Variants in TOP2A observed in about 807,000 individuals in gnomAD.
TOP2A encodes the protein DNA topoisomerase II alpha.
Under a neutral mutation model 187.2 loss-of-function variants are expected in TOP2A, and 68 were observed. That is an observed-to-expected ratio of 0.36 (90% CI 0.30 to 0.44). The LOEUF (loss-of-function observed/expected upper bound fraction) is 0.44. TOP2A is among the 20% of genes least tolerant of loss of function. TOP2A has a pLI of 1.00. For synonymous variants in TOP2A, 542 were observed against 593.2 expected (o/e 0.91, Z 1.25); for missense variants, 1,196 against 1,808.7 (o/e 0.66, Z 6.14).
At chr17:40,409,433 A>T in intron 10 of TOP2A, 1 of 443,278 alleles carries the variant, frequency 2.3e-6, no homozygotes, top group South Asian at 1.6e-5. Flanking sequence ...AAATTGAGAC[A>T]CTTGTCCTCA....
intron 19 of TOP2A, 72 bp from the exon 20 acceptor site, chr17:40,403,126 T>C (rs2035201694): frequency 6.5e-6 from 9 of 1,375,828 alleles, no homozygotes; most frequent in South Asian, 1.4e-5. Context: ...AACCTCACTA[T>C]AATCCTGTAA....
At chr17:40,406,301 T>C (rs1259428996) in intron 16 of TOP2A, 83 bp downstream of exon 16, 4 of 940,392 alleles carry the variant, frequency 4.3e-6, no homozygotes, top group Non-Finnish European at 6.3e-6. Flanking sequence ...ATACGGAGTC[T>C]TATACAAAAA....
At chr17:40,408,918 G>A (rs1444633093) in intron 10 of TOP2A, 1 of 511,454 alleles carries the variant, frequency 2.0e-6, no homozygotes, top group Non-Finnish European at 3.8e-6. Context: ...AATTAGACCA[G>A]GCACGGTGGC....
chr17:40,393,416 G>T (rs926474890), intron 29 of TOP2A, among the ~76,000 whole-genome samples: 2 of 152,020 alleles, frequency 1.3e-5, no homozygotes, highest in Admixed American at 1.3e-4. Context: ...AGTGCCTATA[G>T]TCCCAGCTAC....
chr17:40,407,178 C>T (rs573800506), intron 13 of TOP2A, among the ~76,000 whole-genome samples: 4 of 152,302 alleles, frequency 2.6e-5, no homozygotes, highest in Non-Finnish European at 4.4e-5. Flanking sequence ...GCAGGAGAAT[C>T]GCTTGAACCC....
intron 1 of TOP2A, chr17:40,417,467 C>A: frequency 8.7e-7 from 1 of 1,151,988 alleles, no homozygotes; most frequent in Non-Finnish European, 1.2e-6. Context: ...CATCTGTACG[C>A]GCGACTCAAT....
chr17:40,407,023 G>A, intron 13 of TOP2A, 81 bp from the exon 14 acceptor site: 1 of 1,152,226 alleles, frequency 8.7e-7, no homozygotes, highest in Non-Finnish European at 1.3e-6. Context: ...CAGAACTTTG[G>A]GAGGCCGAGG....
Position 40,404,362 on chromosome 17 carries a change from C to G in TOP2A, c.2161+15G>C. Reference sequence around the variant, plus strand: ...CCATCTTACAATGAAAACAGACTAACAAATTGGAACTCACCATCCACCATA... The same window carrying G: ...CCATCTTACAATGAAAACAGACTAAGAAATTGGAACTCACCATCCACCATA... On this transcript the variant is annotated intron_variant, in intron 18 of 34. Transcript: ENST00000423485. 1 of 1,604,046 alleles carries G rather than the reference C, an allele frequency of 6.2e-7. No homozygotes were observed. Among genetic ancestry groups the G allele is most frequent in the East Asian group, 2.2e-5 (1 of 44,786 alleles).
chr17:40,405,721 A>T (rs2035235244), intron 16 of TOP2A, among the ~76,000 whole-genome samples: 2 of 147,030 alleles, frequency 1.4e-5, no homozygotes, highest in South Asian at 4.3e-4. Flanking sequence ...TGCCCGACTT[A>T]GCCTTCCAAA....
chr17:40,414,399 A>G (rs1269623890), intron 4 of TOP2A, among the ~76,000 whole-genome samples: 2 of 152,080 alleles, frequency 1.3e-5, no homozygotes, highest in African/African-American at 2.4e-5. Context: ...GGGTCTCACT[A>G]TATGGCCCAG....
At chr17:40,410,644 G>A (rs747646578) in intron 10 of TOP2A, 7 of 456,140 alleles carry the variant, frequency 1.5e-5, no homozygotes, top group South Asian at 7.8e-5. Context: ...CTTATTGACC[G>A]GATTAGAGAG....
At chr17:40,396,890 T>G (rs1418970742) in intron 27 of TOP2A, among the ~76,000 whole-genome samples, 2 of 145,956 alleles carry the variant, frequency 1.4e-5, no homozygotes, top group African/African-American at 2.5e-5. Flanking sequence ...CTTTTGGTGG[T>G]TTTTTTTTTG....
intron 27 of TOP2A, among the ~76,000 whole-genome samples, chr17:40,398,110 CTTT>C (rs1048890086): frequency 7.8e-6 from 1 of 127,642 alleles, no homozygotes; most frequent in Non-Finnish European, 1.7e-5. Context: ...TAATCTGTCC[CTTT>C]TTTTTTTTTT....
At position 40,406,829 on chromosome 17, in the gene TOP2A, T is replaced by C; in HGVS notation, c.1737+3A>G. The C allele has an allele frequency of 1.2e-6, 2 of 1,601,262 alleles. No homozygotes were observed. Among genetic ancestry groups the C allele is most frequent in the South Asian group, 1.1e-5 (1 of 90,076 alleles). On this transcript the variant is annotated splice_donor_region_variant and intron_variant, in intron 14 of 34. Transcript: ENST00000423485. ...CCATGATGGTACTTAGAAATTAGCGTACCTTTACAATGGGAGTGATAAATT... is the reference window on the plus strand; with the variant it reads ...CCATGATGGTACTTAGAAATTAGCGCACCTTTACAATGGGAGTGATAAATT...
intron 12 of TOP2A, 68 bp from the exon 13 acceptor site, chr17:40,407,742 A>T: frequency 7.0e-7 from 1 of 1,430,588 alleles, no homozygotes; most frequent in Non-Finnish European, 9.4e-7. Flanking sequence ...ATTTAACAGT[A>T]TATGTTGCTT....
At chr17:40,400,438 TA>T in intron 22 of TOP2A, 29 bp from the exon 23 acceptor site, 2 of 1,608,946 alleles carry the variant, frequency 1.2e-6, no homozygotes, top group Non-Finnish European at 1.7e-6. Context: ...CTGAAGTTTC[TA>T]AAATATAGGC....
intron 1 of TOP2A, among the ~76,000 whole-genome samples, chr17:40,417,187 A>T (rs1198847778): frequency 6.6e-6 from 1 of 152,152 alleles, no homozygotes; most frequent in Non-Finnish European, 1.5e-5. Context: ...CACTTCTTTC[A>T]GTTCCTGCAT....
rs2143682919 is a variant in TOP2A, at chr17:40,411,911, A to G, written c.790-93T>C. 1 of 1,014,716 alleles carries G rather than the reference A, an allele frequency of 9.9e-7. No homozygotes were observed. The highest frequency in any genetic ancestry group is 1.4e-6 in the Non-Finnish European group (1 of 710,614). The allele number at this position is 1,014,716 out of a possible 1,614,324, so 62.9% of individuals were successfully genotyped here. A position where few individuals can be genotyped will look rare whatever the true frequency, so the allele number is the denominator to read the frequency against. On this transcript the variant is annotated intron_variant, in intron 7 of 34. Transcript: ENST00000423485. This position sits in a 1 kb window ranked among gnomAD's most constrained non-coding sequence, Gnocchi z 4.4. ...AGGACTTTCCAAAACCAATGCAATG[A>G]TGTTCACTGATAGGCATAAGGGAAT...
intron 12 of TOP2A, 50 bp downstream of exon 12, chr17:40,407,917 T>G (rs777772204): frequency 7.3e-6 from 11 of 1,512,180 alleles, no homozygotes; most frequent in Non-Finnish European, 8.1e-6. Context: ...AAGCATAAAG[T>G]CTTGTATTAT....
Sources: gnomAD v4.1 joint callset for allele counts (sites outside exome capture counted in the v4.1 genomes callset) on GRCh38, gnomAD v4.1.1 for gene constraint, Gnocchi (gnomAD v3.1) non-coding constraint, MANE v1.5 for transcripts, NCBI Gene and HGNC (gene_info 2026-07-23, HGNC 2026-07-21) for gene names.